The following ARIH1 variants were observed in gnomAD, a reference collection of about 807,000 sequenced individuals.
ARIH1 encodes ariadne RBR E3 ubiquitin protein ligase 1.
In ARIH1, 8 loss-of-function variants were observed where a neutral mutation model predicts 85.0. The observed-to-expected ratio is 0.09, with a 90% CI of 0.06 to 0.17. The LOEUF is 0.17. Ranked by LOEUF, ARIH1 falls within the 10% of genes least tolerant of loss-of-function variation. ARIH1 has a pLI of 1.00. For synonymous variants in ARIH1, 238 were observed against 253.6 expected (o/e 0.94, Z 0.59); for missense variants, 311 against 718.1 (o/e 0.43, Z 6.48).
chr15:72,496,966 A>G (rs979449343), intron 1 of ARIH1: 2 of 459,136 alleles, frequency 4.4e-6, no homozygotes, highest in Admixed American at 1.3e-4. Flanking sequence ...CACATCATTT[A>G]TCCTATAAAT....
Position 72,583,566 on chromosome 15 carries a change from T to A in ARIH1, c.*274T>A, listed in dbSNP as rs2064303155. 8.8e-6 allele frequency: 3 copies of A among 340,068 alleles called. No homozygotes were observed. Among genetic ancestry groups the A allele is most frequent in the African/African-American group, 6.3e-5 (3 of 47,400 alleles). The allele number at this position is 340,068 out of a possible 1,614,324, so 21.1% of individuals were successfully genotyped here. On this transcript the variant is annotated 3_prime_UTR_variant, in exon 14 of 14. Coordinates refer to ENST00000379887, the MANE Select transcript of ARIH1 (RefSeq NM_005744.5). Reference sequence around the variant, plus strand: ...TTTAACTTGTAACGTAGCTTCATTCTCAAAGCTGACTCCTTTTTTTTCTTT... The same window carrying A: ...TTTAACTTGTAACGTAGCTTCATTCACAAAGCTGACTCCTTTTTTTTCTTT...
intron 2 of ARIH1, among the ~76,000 whole-genome samples, chr15:72,529,386 C>G (rs1010711830): frequency 1.3e-5 from 2 of 152,156 alleles, no homozygotes; most frequent in Non-Finnish European, 2.9e-5. Context: ...TAGGACTGTG[C>G]ACCACAACAC....
Position 72,474,407 on chromosome 15 carries a change from T to G in ARIH1, c.-233T>G. The G allele has an allele frequency of 3.6e-6, 2 of 558,060 alleles. 1 individual carries two copies. Among genetic ancestry groups the G allele is most frequent in the South Asian group, 4.0e-5 (2 of 50,038 alleles). The allele number at this position is 558,060 out of a possible 1,614,324, so 34.6% of individuals were successfully genotyped here. Reference sequence around the variant, plus strand: ...AGGCCGGAGCGGAGCCGCGTCTGACTGAGGCGGGCAGCAAGCGGCCCCCTC... The same window carrying G: ...AGGCCGGAGCGGAGCCGCGTCTGACGGAGGCGGGCAGCAAGCGGCCCCCTC... On this transcript the variant is annotated 5_prime_UTR_variant, in exon 1 of 14. Transcript: ENST00000379887.
intron 1 of ARIH1, among the ~76,000 whole-genome samples, chr15:72,488,232 T>A (rs1048986327): frequency 2.6e-5 from 4 of 152,050 alleles, no homozygotes; most frequent in Non-Finnish European, 5.9e-5. Context: ...TATTTATTTA[T>A]TTTTTGTTTG....
At chr15:72,537,869 G>A (rs2064089759) in intron 2 of ARIH1, among the ~76,000 whole-genome samples, 1 of 152,028 alleles carries the variant, frequency 6.6e-6, no homozygotes, top group Non-Finnish European at 1.5e-5. Flanking sequence ...GAAATGTTTT[G>A]GTCATTTAGA....
At chr15:72,564,499 C>G (rs1240494539) in intron 7 of ARIH1, among the ~76,000 whole-genome samples, 3 of 152,202 alleles carry the variant, frequency 2.0e-5, no homozygotes, top group Non-Finnish European at 4.4e-5. Flanking sequence ...CAATTCAGTT[C>G]ATTCACAGTG....
At chr15:72,506,393 G>A (rs2063926016) in intron 1 of ARIH1, among the ~76,000 whole-genome samples, 1 of 138,468 alleles carries the variant, frequency 7.2e-6, no homozygotes, top group South Asian at 2.4e-4. Context: ...TAGTCATTGT[G>A]GAAGATTTAA....
intron 3 of ARIH1, among the ~76,000 whole-genome samples, chr15:72,546,945 T>A (rs1292029854): frequency 7.6e-6 from 1 of 132,144 alleles, no homozygotes; most frequent in African/African-American, 3.6e-5. Flanking sequence ...GGGGGGGGGG[T>A]GGGACGGAGT....
At chr15:72,528,355 A>G (rs917748597) in intron 2 of ARIH1, among the ~76,000 whole-genome samples, 4 of 152,220 alleles carry the variant, frequency 2.6e-5, no homozygotes, top group Non-Finnish European at 4.4e-5. Context: ...ATTCTGAAGC[A>G]TTAATACCCA....
chr15:72,508,126 G>A (rs1306309555), intron 1 of ARIH1, among the ~76,000 whole-genome samples: 1 of 152,212 alleles, frequency 6.6e-6, no homozygotes, highest in Non-Finnish European at 1.5e-5. Flanking sequence ...AGTTCCTCAG[G>A]AGATTCTTAT....
chr15:72,549,835 C>T (rs183051248), intron 3 of ARIH1, among the ~76,000 whole-genome samples: 3 of 152,088 alleles, frequency 2.0e-5, no homozygotes, highest in East Asian at 3.9e-4. Flanking sequence ...ATGTATTTTT[C>T]GTGTACTCTC....
intron 2 of ARIH1, among the ~76,000 whole-genome samples, chr15:72,522,741 A>G (rs545693410): frequency 1.3e-5 from 2 of 152,316 alleles, no homozygotes; most frequent in South Asian, 2.1e-4. Context: ...GATATTTGCA[A>G]AAGACACATG....
intron 1 of ARIH1, among the ~76,000 whole-genome samples, chr15:72,494,826 GA>G (rs34861459): frequency 0.84 from 121,616 of 145,212 alleles, 53,340 homozygotes; most frequent in East Asian, 0.99. Flanking sequence ...GAATTATTAG[GA>G]AAAAAAAAAA....
intron 1 of ARIH1, among the ~76,000 whole-genome samples, chr15:72,480,702 T>C (rs2063813051): frequency 6.6e-6 from 1 of 152,026 alleles, no homozygotes; most frequent in Non-Finnish European, 1.5e-5. Context: ...GTAGCTAGGA[T>C]TACAGGCGTA....
rs556259487 is a variant in ARIH1 at position 72,568,255 on chromosome 15, T to TA, written c.1026+1087dup. 6.0e-3 allele frequency among the ~76,000 whole-genome samples: 917 copies of TA among 151,864 alleles called. 9 individuals are homozygous for TA. The highest frequency in any genetic ancestry group is 0.021 in the African/African-American group (881 of 41,478). On this transcript the variant is annotated intron_variant, in intron 9 of 13. Coordinates refer to ENST00000379887, the MANE Select transcript of ARIH1 (RefSeq NM_005744.5). ...AGAAAGTGGTTACTTGTTTTGTTAT[T>TA]AAAAAAAAATTCTTAGCCAAGCATT...
At chr15:72,512,520 T>C (rs1157089477) in intron 1 of ARIH1, among the ~76,000 whole-genome samples, 2 of 149,228 alleles carry the variant, frequency 1.3e-5, no homozygotes, top group Non-Finnish European at 3.0e-5. Context: ...GTTTTTTTCT[T>C]TTTTTTTTTC....
In ARIH1 at chr15:72,592,427, T is replaced by C. The variant is rs1018412777; in HGVS notation, c.*9135T>C. The C allele has an allele frequency of 6.6e-6, 1 of 152,224 alleles. No homozygotes were observed. Among genetic ancestry groups the C allele is most frequent in the Non-Finnish European group, 1.5e-5 (1 of 68,036 alleles). The allele number at this position is 152,224 out of a possible 1,614,324, so 9.4% of individuals were successfully genotyped here. A position where few individuals can be genotyped will look rare whatever the true frequency, so the allele number is the denominator to read the frequency against. On this transcript the variant is annotated 3_prime_UTR_variant, in exon 14 of 14. Transcript: ENST00000379887. ...TACTCACCTTTATTTTAAATTGATA[T>C]ATAGAAATTAATATTACAAAATGCA...
chr15:72,518,011 A>G (rs1419119611), intron 1 of ARIH1, 56 bp from the exon 2 acceptor site: 29 of 1,350,292 alleles, frequency 2.1e-5, no homozygotes, highest in Admixed American at 3.7e-5. Context: ...GGAGTTCACT[A>G]AATGTCCATG....
rs2064321336 is a variant in ARIH1, at chr15:72,587,299, A to G, written c.*4007A>G. 2.3e-6 allele frequency: 1 copy of G among 429,972 alleles called. No individual in the cohort carries two copies. Among genetic ancestry groups the G allele is most frequent in the Non-Finnish European group, 4.8e-6 (1 of 209,356 alleles). 26.6% of individuals were successfully genotyped at this position (429,972 alleles called of 1,614,324 possible). A position where few individuals can be genotyped will look rare whatever the true frequency, so the allele number is the denominator to read the frequency against. On this transcript the variant is annotated 3_prime_UTR_variant, in exon 14 of 14. Coordinates refer to ENST00000379887, the MANE Select transcript of ARIH1 (RefSeq NM_005744.5). ...CCTAGTATTCTGTACCAGGGAAGGT[A>G]GTTCTTAACTATATTGTACTTTTAA...
Sources: allele counts gnomAD v4.1 joint callset (sites outside exome capture counted in the v4.1 genomes callset), GRCh38; gene constraint gnomAD v4.1.1; transcripts MANE v1.5; gene names NCBI Gene and HGNC (gene_info 2026-07-23, HGNC 2026-07-21).